The following DIP2B variants were observed in gnomAD, a reference collection of about 807,000 sequenced individuals.
DIP2B encodes disco-interacting protein 2 homolog B.
Under a neutral mutation model 198.0 loss-of-function variants are expected in DIP2B, and 76 were observed. The observed-to-expected ratio is 0.38, with a 90% CI of 0.32 to 0.46. The LOEUF (loss-of-function observed/expected upper bound fraction) is 0.46. DIP2B is among the 20% of genes least tolerant of loss of function. The probability of loss-of-function intolerance (pLI) is 0.99; values close to 1 mark genes in which losing one functional copy is unlikely to be tolerated. For missense variants in DIP2B, 1,559 were observed against 1,978.4 expected (o/e 0.79, Z 4.02); for synonymous variants, 701 against 739.1 (o/e 0.95, Z 0.84).
At chr12:50,626,177 A>G in intron 2 of DIP2B, 130 bp downstream of exon 2, 2 of 875,466 alleles carry the variant, frequency 2.3e-6, no homozygotes, top group Non-Finnish European at 3.5e-6. Context: ...AAAAAAACGG[A>G]AGGAAAGAAA....
chr12:50,519,580 C>T (rs901212369), intron 1 of DIP2B, among the ~76,000 whole-genome samples: 7 of 152,080 alleles, frequency 4.6e-5, no homozygotes, highest in Non-Finnish European at 8.8e-5. Flanking sequence ...ATGGGACAGC[C>T]CTAAATGAAA....
chr12:50,511,311 T>TTTTTTTTTTTC (rs1958014564), intron 1 of DIP2B, among the ~76,000 whole-genome samples: 1 of 142,808 alleles, frequency 7.0e-6, no homozygotes, highest in Admixed American at 7.0e-5. Context: ...TTTTTTTTTT[T>TTTTTTTTTTTC]TGAGACAGGG....
chr12:50,692,857 A>G, intron 13 of DIP2B, 92 bp from the exon 14 acceptor site: 2 of 1,113,834 alleles, frequency 1.8e-6, no homozygotes, highest in East Asian at 5.0e-5. Context: ...GCAAACAAAC[A>G]TCAAATCAGT....
At chr12:50,561,131 A>T (rs1291768270) in intron 1 of DIP2B, among the ~76,000 whole-genome samples, 1 of 152,218 alleles carries the variant, frequency 6.6e-6, no homozygotes, top group Non-Finnish European at 1.5e-5. Flanking sequence ...CAATTGTTTA[A>T]GGAAAGCTAG....
intron 2 of DIP2B, among the ~76,000 whole-genome samples, chr12:50,632,952 A>T (rs1237108029): frequency 6.6e-6 from 1 of 152,052 alleles, no homozygotes; most frequent in Non-Finnish European, 1.5e-5. Context: ...TCTTAAAAAA[A>T]AAAATAATTA....
chr12:50,739,014 G>T (rs576319867), intron 35 of DIP2B, among the ~76,000 whole-genome samples: 2 of 152,312 alleles, frequency 1.3e-5, no homozygotes, highest in Non-Finnish European at 2.9e-5. Context: ...GCACAGAAAC[G>T]ATCCCTGATG....
chr12:50,732,977 C>A (rs913699522), intron 32 of DIP2B, among the ~76,000 whole-genome samples: 1 of 152,012 alleles, frequency 6.6e-6, no homozygotes, highest in Non-Finnish European at 1.5e-5. Context: ...GCAGTCTCAG[C>A]TTACTGCAAC....
At chr12:50,527,270 G>A (rs969860399) in intron 1 of DIP2B, among the ~76,000 whole-genome samples, 2 of 152,164 alleles carry the variant, frequency 1.3e-5, no homozygotes, top group Non-Finnish European at 2.9e-5. Context: ...TACCAAGGAC[G>A]TTCATGGGCT....
chr12:50,521,595 T>A (rs1374590410), intron 1 of DIP2B, among the ~76,000 whole-genome samples: 1 of 147,766 alleles, frequency 6.8e-6, no homozygotes, highest in Non-Finnish European at 1.5e-5. Context: ...CAGGTTCAAG[T>A]GATTCTTGTG....
intron 27 of DIP2B, among the ~76,000 whole-genome samples, chr12:50,724,116 C>T (rs1444746304): frequency 6.6e-6 from 1 of 152,150 alleles, no homozygotes; most frequent in Non-Finnish European, 1.5e-5. Context: ...ATGGAGCCCA[C>T]AGTATAAAAG....
Position 50,721,283 on chromosome 12 carries a change from T to C in DIP2B, c.3053T>C (p.Val1018Ala), listed in dbSNP as rs779495830. 6.2e-7 allele frequency: 1 copy of C among 1,614,082 alleles called. No individual in the cohort carries two copies. The highest frequency in any genetic ancestry group is 8.5e-7 in the Non-Finnish European group (1 of 1,179,944). The change falls in exon 26 of 38, where the codon GTA (valine) becomes GCA (alanine). Residue 1018 changes from valine to alanine, a missense_variant. Physicochemically the swap from Val to Ala is moderately conservative, Grantham distance 64 (BLOSUM62 0). Transcript: ENST00000301180. Reference protein sequence around the residue: ...FMLLNAKGTTVCTASCLQLHK... With the variant: ...FMLLNAKGTTACTASCLQLHK... ...TTCTGTTGTTTAAAGGGAACCACTG[T>C]ATGCACAGCCAGCTGCCTTCAGCTT...
intron 16 of DIP2B, 149 bp downstream of exon 16, chr12:50,696,116 G>A (rs975411489): frequency 8.0e-7 from 1 of 1,253,536 alleles, no homozygotes. Context: ...CACGAGTTGT[G>A]TAACCATCAT....
chr12:50,600,055 G>A (rs1958921813), intron 1 of DIP2B, among the ~76,000 whole-genome samples: 1 of 152,188 alleles, frequency 6.6e-6, no homozygotes, highest in Non-Finnish European at 1.5e-5. Flanking sequence ...TACCTCAAAT[G>A]TCAGAGATGG....
intron 20 of DIP2B, among the ~76,000 whole-genome samples, chr12:50,704,939 C>A (rs1452705679): frequency 6.6e-6 from 1 of 151,450 alleles, no homozygotes; most frequent in Non-Finnish European, 1.5e-5. Context: ...CAGAGCGAGA[C>A]TTCATTTCAA....
In DIP2B at chr12:50,745,218, T is replaced by C. The variant is rs1456330529; in HGVS notation, c.*379T>C. ...TAGTCTGAGTGACACAGTTCCCCAC[T>C]CCGTACTGTATTTTGCCATTCTGCC... On this transcript the variant is annotated 3_prime_UTR_variant, in exon 38 of 38. Transcript: ENST00000301180. 1 of 242,734 alleles carries C rather than the reference T, an allele frequency of 4.1e-6. No homozygotes were observed. Among genetic ancestry groups the C allele is most frequent in the Non-Finnish European group, 8.2e-6 (1 of 121,344 alleles). The allele number at this position is 242,734 out of a possible 1,614,324, so 15.0% of individuals were successfully genotyped here.
intron 1 of DIP2B, among the ~76,000 whole-genome samples, chr12:50,573,993 A>G (rs1958636833): frequency 6.6e-6 from 1 of 152,224 alleles, no homozygotes; most frequent in Non-Finnish European, 1.5e-5. Flanking sequence ...ATCTTTTCCA[A>G]AATCTTGCAA....
intron 16 of DIP2B, 113 bp from the exon 17 acceptor site, chr12:50,696,948 A>G (rs1939322763): frequency 1.4e-6 from 1 of 738,312 alleles, no homozygotes; most frequent in Non-Finnish European, 2.2e-6. Flanking sequence ...TTAACAATAT[A>G]CAATATGAGT....
intron 4 of DIP2B, among the ~76,000 whole-genome samples, chr12:50,661,971 C>A (rs1434549266): frequency 6.6e-6 from 1 of 152,140 alleles, no homozygotes; most frequent in African/African-American, 2.4e-5. Context: ...AAAGTCACTG[C>A]CTGAGGGGAA....
chr12:50,582,269 A>C (rs909207790), intron 1 of DIP2B, among the ~76,000 whole-genome samples: 3 of 146,032 alleles, frequency 2.1e-5, no homozygotes, highest in Non-Finnish European at 4.4e-5. Flanking sequence ...CTCCTGCCTC[A>C]GCCTCCAAGT....
Sources: gnomAD v4.1 joint callset for allele counts (sites outside exome capture counted in the v4.1 genomes callset) on GRCh38, gnomAD v4.1.1 for gene constraint, MANE v1.5 for transcripts, NCBI Gene and HGNC (gene_info 2026-07-23, HGNC 2026-07-21) for gene names.